The following SGCZ variants were observed in gnomAD, a reference collection of about 807,000 sequenced individuals.
SGCZ encodes sarcoglycan zeta.
SGCZ carries 40 observed loss-of-function variants against 41.3 expected under a neutral mutation model. The observed-to-expected ratio is 0.97, with a 90% CI of 0.75 to 1.26. The LOEUF is 1.26. SGCZ is among the 50% of genes most tolerant of loss of function. The pLI is 0.00. For synonymous variants in SGCZ, 206 were observed against 137.5 expected (o/e 1.50, Z -3.49); for missense variants, 552 against 369.8 (o/e 1.49, Z -4.04).
chr8:14,442,016 TG>T (rs1475141418), intron 2 of SGCZ, among the ~76,000 whole-genome samples: 1 of 152,268 alleles, frequency 6.6e-6, no homozygotes, highest in African/African-American at 2.4e-5. Context: ...ATTCCCCTGC[TG>T]GGGATAACAC....
intron 1 of SGCZ, among the ~76,000 whole-genome samples, chr8:14,708,435 T>C (rs1416279397): frequency 1.4e-5 from 2 of 144,928 alleles, no homozygotes; most frequent in Admixed American, 1.4e-4. Context: ...ATATGTTCTC[T>C]TTTTTTTTTT....
chr8:15,012,202 C>A (rs879310969), intron 1 of SGCZ, among the ~76,000 whole-genome samples: 1 of 151,814 alleles, frequency 6.6e-6, no homozygotes, highest in Non-Finnish European at 1.5e-5. Context: ...GTGGTGGATG[C>A]CTGTAATACC....
chr8:14,234,578 C>A (rs951553218), intron 4 of SGCZ, among the ~76,000 whole-genome samples: 2 of 151,726 alleles, frequency 1.3e-5, no homozygotes, highest in Non-Finnish European at 2.9e-5. Context: ...AATTCTTTTC[C>A]CTAACTATTC....
At chr8:14,878,598 A>C (rs1271358953) in intron 1 of SGCZ, among the ~76,000 whole-genome samples, 1 of 152,198 alleles carries the variant, frequency 6.6e-6, no homozygotes, top group Non-Finnish European at 1.5e-5. Flanking sequence ...AGCACTGTTA[A>C]GGATACTGTT....
chr8:15,232,661 A>C (rs182941368), intron 1 of SGCZ, among the ~76,000 whole-genome samples: 39 of 128,368 alleles, frequency 3.0e-4, no homozygotes, highest in African/African-American at 1.0e-3. Context: ...ATATATATAC[A>C]TATATATGTG....
intron 1 of SGCZ, among the ~76,000 whole-genome samples, chr8:14,613,683 G>C (rs974820043): frequency 6.6e-6 from 1 of 152,108 alleles, no homozygotes. Context: ...TAAAATAATT[G>C]CATCATTTTT....
At chr8:14,687,247 C>A (rs543299437) in intron 1 of SGCZ, among the ~76,000 whole-genome samples, 1 of 149,822 alleles carries the variant, frequency 6.7e-6, no homozygotes, top group Non-Finnish European at 1.5e-5. Context: ...ACAATGTGCA[C>A]GTTAGTTACA....
chr8:14,293,863 C>T (rs899004466), intron 3 of SGCZ, among the ~76,000 whole-genome samples: 1 of 151,752 alleles, frequency 6.6e-6, no homozygotes, highest in Non-Finnish European at 1.5e-5. Context: ...GAATTAAGTG[C>T]AATTCAGCTA....
Position 14,355,015 on chromosome 8 carries a change from T to C in SGCZ, c.235-30811A>G, listed in dbSNP as rs189558268. Among the ~76,000 whole-genome samples, 25 of 152,126 alleles carry C rather than the reference T, an allele frequency of 1.6e-4. No individual in the cohort carries two copies. In the East Asian group the frequency reaches 4.8e-3, roughly 29 times the overall value. ...TATTTTCAAAGATTACAGAAGTTTT[T>C]CAATTTCAATTTGGCAAGCTAGCAA... is the stretch of plus-strand genomic sequence containing the variant. On this transcript the variant is annotated intron_variant, in intron 2 of 7. Transcript: ENST00000382080.
chr8:14,582,909 T>G (rs1216586264), intron 1 of SGCZ, among the ~76,000 whole-genome samples: 3 of 151,910 alleles, frequency 2.0e-5, no homozygotes, highest in Non-Finnish European at 2.9e-5. Flanking sequence ...AGTCTATCAT[T>G]GTTGGACATT....
intron 1 of SGCZ, among the ~76,000 whole-genome samples, chr8:15,063,806 G>C (rs934302122): frequency 1.3e-5 from 2 of 152,108 alleles, no homozygotes; most frequent in African/African-American, 4.8e-5. Flanking sequence ...TGAGTTATTA[G>C]TACTTTTAAA....
intron 4 of SGCZ, among the ~76,000 whole-genome samples, chr8:14,223,122 T>A (rs6530733): frequency 0.59 from 89,521 of 151,746 alleles, 26,715 homozygotes; most frequent in South Asian, 0.74. Context: ...TCACAGAGGT[T>A]TTAAAGGACA....
At chr8:15,121,492 C>T (rs1442886671) in intron 1 of SGCZ, among the ~76,000 whole-genome samples, 3 of 152,144 alleles carry the variant, frequency 2.0e-5, no homozygotes, top group Admixed American at 6.5e-5. Flanking sequence ...CATGAGGCAA[C>T]AGTGCTAGGC....
At chr8:14,311,206 G>A (rs1801530472) in intron 3 of SGCZ, among the ~76,000 whole-genome samples, 1 of 152,030 alleles carries the variant, frequency 6.6e-6, no homozygotes, top group African/African-American at 2.4e-5. Context: ...TAGAGGACCT[G>A]ATTTCATTTT....
chr8:15,122,603 T>A (rs1356179079), intron 1 of SGCZ, among the ~76,000 whole-genome samples: 1 of 152,110 alleles, frequency 6.6e-6, no homozygotes, highest in Non-Finnish European at 1.5e-5. Context: ...GAATGGGAAA[T>A]CACGTTAACT....
At chr8:14,123,383 G>A (rs1307137752) in intron 5 of SGCZ, among the ~76,000 whole-genome samples, 1 of 152,182 alleles carries the variant, frequency 6.6e-6, no homozygotes, top group Non-Finnish European at 1.5e-5. Context: ...TGTGGGAAAT[G>A]AAGTGATGTT....
At chr8:14,384,154 C>T (rs561758929) in intron 2 of SGCZ, among the ~76,000 whole-genome samples, 6 of 152,026 alleles carry the variant, frequency 3.9e-5, no homozygotes, top group African/African-American at 1.4e-4. Flanking sequence ...TGTGATGTTC[C>T]CCTTCCTGTG....
At chr8:14,107,978 C>A (rs1802257101) in intron 6 of SGCZ, among the ~76,000 whole-genome samples, 185 bp downstream of exon 6, 1 of 152,022 alleles carries the variant, frequency 6.6e-6, no homozygotes, top group Admixed American at 6.6e-5. Flanking sequence ...TTCTCACTTA[C>A]TGTATAACTG....
At chr8:14,729,422 CT>C (rs1236166950) in intron 1 of SGCZ, among the ~76,000 whole-genome samples, 17 of 152,230 alleles carry the variant, frequency 1.1e-4, no homozygotes, top group African/African-American at 3.4e-4. Flanking sequence ...AAGACAGGAC[CT>C]TTTAAAGAGG....
Sources: gnomAD v4.1 joint callset for allele counts (sites outside exome capture counted in the v4.1 genomes callset) on GRCh38, gnomAD v4.1.1 for gene constraint, MANE v1.5 for transcripts, NCBI Gene and HGNC (gene_info 2026-07-23, HGNC 2026-07-21) for gene names.